Variants in CDH18 observed in about 807,000 individuals in gnomAD.
The protein encoded by CDH18 is cadherin 18, also known as cadherin-18.
CDH18 carries 31 observed loss-of-function variants against 67.9 expected under a neutral mutation model. The ratio of observed to expected loss-of-function variants is 0.46; its 90% CI spans 0.34 to 0.62. CDH18 has a LOEUF of 0.62. Ranked by LOEUF, CDH18 falls within the 20% of genes least tolerant of loss-of-function variation. The probability of loss-of-function intolerance (pLI) is 0.01; values close to 1 mark genes in which losing one functional copy is unlikely to be tolerated. For missense variants in CDH18, 890 were observed against 975.5 expected, an observed-to-expected ratio of 0.91 and a Z score of 1.17; for synonymous variants, 362 against 347.2, an observed-to-expected ratio of 1.04 and a Z score of -0.48.
At chr5:20,424,745 TAAAAAAAAAAA>T (rs67349001) in intron 1 of CDH18, among the ~76,000 whole-genome samples, 3 of 42,910 alleles carry the variant, frequency 7.0e-5, no homozygotes, top group Admixed American at 4.5e-4. Flanking sequence ...AGACTCTGTC[TAAAAAAAAAAA>T]AAAAAAAAAA....
chr5:20,080,441 G>C, intron 2 of CDH18, among the ~76,000 whole-genome samples: 1 of 152,056 alleles, frequency 6.6e-6, no homozygotes, highest in East Asian at 1.9e-4. Flanking sequence ...CAACTGAGTC[G>C]CATGGCTAGA....
intron 2 of CDH18, among the ~76,000 whole-genome samples, chr5:20,149,257 A>C (rs1468054986): frequency 1.3e-5 from 2 of 152,192 alleles, no homozygotes; most frequent in African/African-American, 4.8e-5. Context: ...TACCTTCACT[A>C]TATAAATACA....
intron 5 of CDH18, among the ~76,000 whole-genome samples, chr5:19,695,472 C>T (rs1762422884): frequency 6.6e-6 from 1 of 152,110 alleles, no homozygotes. Context: ...AGCTAGTCTA[C>T]TTTATGTAAA....
Position 19,502,995 on chromosome 5 carries a change from C to T in CDH18, c.1627G>A (p.Glu543Lys). Residue 543 changes from glutamate to lysine, a missense_variant, in exon 11 of 13, where the codon GAA becomes AAA. Glu to Lys is a moderately conservative substitution (Grantham distance 56). This residue lies in a region of CDH18 where 656 missense variants were observed against 668.1 expected (regional missense o/e 0.98). Coordinates refer to ENST00000382275, the MANE Select transcript of CDH18 (RefSeq NM_004934.5). ...AAATATGTGTATATATGTTCACCTT[C>T]ATTGTCCTTCAGAGTGAAGTTTGGA... ...VNPNFTLKDNEDNTASILTRR... is the reference protein window; with the variant it reads ...VNPNFTLKDNKDNTASILTRR... 6.4e-7 allele frequency: 1 copy of T among 1,565,312 alleles called. No homozygotes were observed. The highest frequency in any genetic ancestry group is 8.8e-7 in the Non-Finnish European group (1 of 1,135,882).
intron 11 of CDH18, among the ~76,000 whole-genome samples, chr5:19,495,527 G>C (rs931707549): frequency 6.6e-6 from 1 of 151,926 alleles, no homozygotes; most frequent in Non-Finnish European, 1.5e-5. Flanking sequence ...GATCACCTGA[G>C]GTCGGGAGAT....
intron 1 of CDH18, among the ~76,000 whole-genome samples, chr5:19,987,574 T>C (rs1231487545): frequency 6.6e-6 from 1 of 151,934 alleles, no homozygotes; most frequent in African/African-American, 2.4e-5. Flanking sequence ...ATGAGGCTTG[T>C]CCTGCTGCAG....
chr5:19,846,798 T>C lies in CDH18; in HGVS notation c.-256-7556A>G, dbSNP rs143148693. Among the ~76,000 whole-genome samples, 369 of 152,278 alleles carry C rather than the reference T, an allele frequency of 2.4e-3. 2 individuals are homozygous for C. Among genetic ancestry groups the C allele is most frequent in the Non-Finnish European group, 2.8e-3 (190 of 68,010 alleles). On this transcript the variant is annotated intron_variant, in intron 2 of 12. Transcript: ENST00000382275. ...AATAAAAGACTCCTTTTGGAATCTTTTGTAAGACAGGTCTTGTGGTAATGA... is the reference window on the plus strand; with the variant it reads ...AATAAAAGACTCCTTTTGGAATCTTCTGTAAGACAGGTCTTGTGGTAATGA...
chr5:20,058,641 C>A (rs1057378293), intron 2 of CDH18, among the ~76,000 whole-genome samples: 1 of 152,080 alleles, frequency 6.6e-6, no homozygotes, highest in African/African-American at 2.4e-5. Context: ...ATCAAACATA[C>A]CTCAAAAAAT....
intron 6 of CDH18, among the ~76,000 whole-genome samples, chr5:19,604,725 G>A (rs1747756074): frequency 6.6e-6 from 1 of 151,852 alleles, no homozygotes; most frequent in Non-Finnish European, 1.5e-5. Context: ...AAATAAAAAG[G>A]GCAATTTTCC....
chr5:20,382,696 T>C (rs1744009587), intron 1 of CDH18, among the ~76,000 whole-genome samples: 1 of 152,146 alleles, frequency 6.6e-6, no homozygotes, highest in South Asian at 2.1e-4. Context: ...ATAAACGTGA[T>C]GTCCCTGAAT....
At chr5:20,546,748 T>TACACACACACACACACACACACACAC (rs72287076) in intron 1 of CDH18, among the ~76,000 whole-genome samples, 2 of 141,386 alleles carry the variant, frequency 1.4e-5, no homozygotes, top group African/African-American at 5.4e-5. Context: ...CATACATACA[T>TACACACACACACACACACACACACAC]AGACACACAC....
Position 19,721,349 on chromosome 5 carries a change from G to A in CDH18, c.641C>T (p.Thr214Ile). 1 of 1,600,902 alleles carries A rather than the reference G, an allele frequency of 6.2e-7. No homozygotes were observed. Among genetic ancestry groups the A allele is most frequent in the Non-Finnish European group, 8.5e-7 (1 of 1,170,692 alleles). Residue 214 changes from threonine to isoleucine, a missense_variant and splice_region_variant, in exon 5 of 13, where the codon ACA (threonine) becomes ATA (isoleucine). Coordinates refer to ENST00000382275, the MANE Select transcript of CDH18 (RefSeq NM_004934.5). ...GAGTTATGTGTAAATGCACTAACCTGTTTTAGGGTCGACGGAGAAGTAGGG... is the reference window on the plus strand; with the variant it reads ...GAGTTATGTGTAAATGCACTAACCTATTTTAGGGTCGACGGAGAAGTAGGG... ...GQPYFSVDPK[T>I]GVIRTALHNM...
rs182037471 is a variant in CDH18, at chr5:19,487,369, C to G, written c.1631-3817G>C. Among the ~76,000 whole-genome samples, 16 of 152,190 alleles carry G rather than the reference C, an allele frequency of 1.1e-4. No individual in the cohort carries two copies. The East Asian group carries it at 3.1e-3, about 29-fold the overall frequency. ...TCTCTTTATTGAAAGGATGGCTGCA[C>G]TGGAGTACTGGGCATAGTTTTGGGT... is the stretch of plus-strand genomic sequence containing the variant. On this transcript the variant is annotated intron_variant, in intron 11 of 12. Coordinates refer to ENST00000382275, the MANE Select transcript of CDH18 (RefSeq NM_004934.5).
At chr5:19,929,053 T>C (rs1579644149) in intron 2 of CDH18, among the ~76,000 whole-genome samples, 1 of 152,226 alleles carries the variant, frequency 6.6e-6, no homozygotes, top group Middle Eastern at 3.4e-3. Context: ...CCTTGAGAGT[T>C]TATAAATACT....
chr5:20,378,296 C>G (rs1417350554), intron 1 of CDH18, among the ~76,000 whole-genome samples: 3 of 152,240 alleles, frequency 2.0e-5, no homozygotes, highest in Admixed American at 1.3e-4. Context: ...CTCAGCCTCC[C>G]TAGTAGCTGG....
In CDH18 at chr5:20,417,535, T is replaced by C. The variant is rs191064722; in HGVS notation, c.-580+157927A>G. Among the ~76,000 whole-genome samples, 483 of 152,308 alleles carry C rather than the reference T, an allele frequency of 3.2e-3. 1 individual carries two copies. Among genetic ancestry groups the C allele is most frequent in the African/African-American group, 0.011 (465 of 41,572 alleles). On this transcript the variant is annotated intron_variant, in intron 1 of 14. Transcript: ENST00000507958. Reference sequence around the variant, plus strand: ...AAGGTATTGGGGAAGTAAATAAATATGGTGAAACCCCATTTTGGTGTTCAA... The same window carrying C: ...AAGGTATTGGGGAAGTAAATAAATACGGTGAAACCCCATTTTGGTGTTCAA...
chr5:20,403,705 C>G (rs1745983285), intron 1 of CDH18, among the ~76,000 whole-genome samples: 1 of 152,118 alleles, frequency 6.6e-6, no homozygotes, highest in African/African-American at 2.4e-5. Context: ...TTATAGAACA[C>G]AGGCAGAGTA....
intron 3 of CDH18, among the ~76,000 whole-genome samples, chr5:19,784,984 A>C (rs556718359): frequency 7.2e-5 from 11 of 151,984 alleles, no homozygotes; most frequent in Admixed American, 3.3e-4. Flanking sequence ...TCCACCAATG[A>C]CCTGTAAGCT....
intron 2 of CDH18, among the ~76,000 whole-genome samples, chr5:20,168,791 A>G (rs2126638884): frequency 6.6e-6 from 1 of 152,282 alleles, no homozygotes; most frequent in East Asian, 1.9e-4. Context: ...CACAAACAAA[A>G]AGGAACACTC....
Sources: allele counts gnomAD v4.1 joint callset (sites outside exome capture counted in the v4.1 genomes callset), GRCh38; gene constraint gnomAD v4.1.1; regional missense constraint gnomAD v4.1.1; transcripts MANE v1.5; gene names NCBI Gene and HGNC (gene_info 2026-07-23, HGNC 2026-07-21).